Variants in BEGAIN observed in about 807,000 individuals in gnomAD.
The protein encoded by BEGAIN is brain-enriched guanylate kinase-associated protein.
In BEGAIN, 19 loss-of-function variants were observed where a neutral mutation model predicts 35.8. The ratio of observed to expected loss-of-function variants is 0.53; its 90% confidence interval spans 0.37 to 0.78. The LOEUF (loss-of-function observed/expected upper bound fraction) is 0.78, where lower values mean the gene tolerates loss of function less well. BEGAIN is among the 30% of genes least tolerant of loss of function. The probability of loss-of-function intolerance (pLI) is 0.00; values close to 1 mark genes in which losing one functional copy is unlikely to be tolerated. For missense variants in BEGAIN, 795 were observed against 853.6 expected (o/e 0.93, Z 0.85); for synonymous variants, 462 against 388.6 (o/e 1.19, Z -2.22).
intron 1 of BEGAIN, among the ~76,000 whole-genome samples, chr14:100,575,438 G>T (rs2035181689): frequency 6.6e-6 from 1 of 152,180 alleles, no homozygotes; most frequent in South Asian, 2.1e-4. Context: ...TGTCCCCATG[G>T]AGACACTGGG....
chr14:100,572,282 C>T (rs1178788946), intron 1 of BEGAIN, among the ~76,000 whole-genome samples: 1 of 152,206 alleles, frequency 6.6e-6, no homozygotes, highest in African/African-American at 2.4e-5. Context: ...TCTGCCGGAC[C>T]ATCTGACCCC....
At chr14:100,542,066 G>A (rs1484454669) in intron 5 of BEGAIN, among the ~76,000 whole-genome samples, 5 of 152,160 alleles carry the variant, frequency 3.3e-5, no homozygotes, top group Admixed American at 6.5e-5. Context: ...CAGGACTAGT[G>A]TCCACTTAGG....
chr14:100,567,792 A>C lies in BEGAIN; in HGVS notation c.71+119T>G. 1.9e-6 allele frequency: 2 copies of C among 1,065,210 alleles called. No individual in the cohort carries two copies. The highest frequency in any genetic ancestry group is 4.3e-5 in the Admixed American group (1 of 23,304). The allele number at this position is 1,065,210 out of a possible 1,614,324, so 66.0% of individuals were successfully genotyped here. ...ACGCACCTGGCCCGCAGCCCCGCCG[A>C]GGCCGCCCGCGGGCCCTGGGGGATG... On this transcript the variant is annotated intron_variant, in intron 2 of 6. Transcript: ENST00000554140. The surrounding 1 kb of genome is among the most constrained non-coding windows in gnomAD (Gnocchi z 5.1).
At chr14:100,540,628 C>T (rs1439239152) in intron 5 of BEGAIN, 49 bp from the exon 6 acceptor site, 37 of 1,455,236 alleles carry the variant, frequency 2.5e-5, no homozygotes, top group Non-Finnish European at 3.2e-5. Flanking sequence ...AGCCAAGGCC[C>T]CGCCGCCCTG....
chr14:100,552,169 G>C (rs998410596), intron 2 of BEGAIN, among the ~76,000 whole-genome samples: 1 of 152,154 alleles, frequency 6.6e-6, no homozygotes, highest in Non-Finnish European at 1.5e-5. Context: ...GCTCAGAGTA[G>C]AAAGGCTAGG....
intron 2 of BEGAIN, among the ~76,000 whole-genome samples, chr14:100,553,789 T>G (rs1228089896): frequency 6.6e-6 from 1 of 152,222 alleles, no homozygotes; most frequent in South Asian, 2.1e-4. Context: ...GCTGGGATAC[T>G]GCTTCCCTTC....
chr14:100,545,370 G>C lies in BEGAIN; in HGVS notation c.234-304C>G, dbSNP rs548178363. On this transcript the variant is annotated intron_variant, in intron 3 of 6. Coordinates refer to ENST00000554140, the MANE Select transcript of BEGAIN (RefSeq NM_001385089.1). ...ACAAGAGACTCTGTCCCATCCACAC[G>C]CGGAGCCAGTTTACTCACATTTGAC... 13 of 1,217,866 alleles carry C rather than the reference G, an allele frequency of 1.1e-5. No individual in the cohort carries two copies. The South Asian group carries it at 2.5e-4, about 23-fold the overall frequency. 75.4% of individuals were successfully genotyped at this position (1,217,866 alleles called of 1,614,324 possible).
In BEGAIN at chr14:100,586,807, T is replaced by C. The variant is rs1392939252; in HGVS notation, c.42+442A>G. On this transcript the variant is annotated intron_variant, in intron 1 of 6. Coordinates refer to ENST00000554140, the MANE Select transcript of BEGAIN (RefSeq NM_001385089.1). The surrounding 1 kb of genome is among the most constrained non-coding windows in gnomAD (Gnocchi z 4.9). The stretch of plus-strand genomic sequence containing the variant: ...AGCCTCCTTCCGGCTCCCGGGCCTT[T>C]CTCCGGCCTCCCAAGCAGGGGCTGG... 6.6e-6 allele frequency among the ~76,000 whole-genome samples: 1 copy of C among 152,130 alleles called. No homozygotes were observed.
At chr14:100,570,258 T>C (rs2035034850) in intron 1 of BEGAIN, among the ~76,000 whole-genome samples, 2 of 152,234 alleles carry the variant, frequency 1.3e-5, no homozygotes, top group South Asian at 2.1e-4. Flanking sequence ...TGGATGGGAA[T>C]TCCCCCCACC....
chr14:100,571,410 G>C (rs1178328926), intron 1 of BEGAIN, among the ~76,000 whole-genome samples: 9 of 152,206 alleles, frequency 5.9e-5, no homozygotes, highest in Admixed American at 5.2e-4. Flanking sequence ...GGGCCGCCCG[G>C]GTCAGAAACA....
Position 100,543,927 on chromosome 14 carries a change from G to T in BEGAIN, c.339C>A (p.His113Gln). The change falls in exon 5 of 7, where the codon CAC becomes CAA. Residue 113 changes from histidine (H) to glutamine (Q), a missense_variant. This residue lies in a region of BEGAIN where 73 missense variants were observed against 143.2 expected (regional missense o/e 0.51). Coordinates refer to ENST00000554140, the MANE Select transcript of BEGAIN (RefSeq NM_001385089.1). ...HYEEEKRALS[H>Q]EIVALNSHLL... ...GATGGCTGTTGAGGGCAACAATCTC[G>T]TGGCTCAGCGCACGCTTCTCCTCCT... The T allele has an allele frequency of 1.9e-6, 3 of 1,613,166 alleles. No individual in the cohort carries two copies. The highest frequency in any genetic ancestry group is 1.7e-6 in the Non-Finnish European group (2 of 1,179,700).
chr14:100,569,089 C>A, intron 1 of BEGAIN: 1 of 297,692 alleles, frequency 3.4e-6, no homozygotes, highest in Non-Finnish European at 5.0e-6. Context: ...GCTCGGCCAC[C>A]AACTTCCCGG....
intron 2 of BEGAIN, among the ~76,000 whole-genome samples, chr14:100,566,719 T>C (rs1183829249): frequency 6.6e-6 from 1 of 152,172 alleles, no homozygotes; most frequent in African/African-American, 2.4e-5. Context: ...TATCAGGTAT[T>C]TGGGGTCTGA....
In BEGAIN at chr14:100,575,328, A is replaced by C. The variant is rs149285957; in HGVS notation, c.43-7389T>G. Among the ~76,000 whole-genome samples, 213 of 152,226 alleles carry C rather than the reference A, an allele frequency of 1.4e-3. 2 individuals are homozygous for C. Among genetic ancestry groups the C allele is most frequent in the African/African-American group, 5.0e-3 (209 of 41,544 alleles). On this transcript the variant is annotated intron_variant, in intron 1 of 6. Transcript: ENST00000554140. Reference sequence around the variant, plus strand: ...ACAGTGGGTGCTCAAATCAACAGACAAGCCCCTGTGAAGGGCTGGCATCGC... The same window carrying C: ...ACAGTGGGTGCTCAAATCAACAGACCAGCCCCTGTGAAGGGCTGGCATCGC...
At chr14:100,571,409 G>A (rs1378233262) in intron 1 of BEGAIN, among the ~76,000 whole-genome samples, 3 of 152,256 alleles carry the variant, frequency 2.0e-5, no homozygotes, top group Non-Finnish European at 4.4e-5. Context: ...AGGGCCGCCC[G>A]GGTCAGAAAC....
rs1566977808 is a variant in BEGAIN at position 100,568,263 on chromosome 14, T to G, written c.43-324A>C. 3.2e-6 allele frequency: 2 copies of G among 632,180 alleles called. No homozygotes were observed. Among genetic ancestry groups the G allele is most frequent in the Non-Finnish European group, 4.6e-6 (2 of 434,902 alleles). The allele number at this position is 632,180 out of a possible 1,614,324, so 39.2% of individuals were successfully genotyped here. On this transcript the variant is annotated intron_variant, in intron 1 of 6. Coordinates refer to ENST00000554140, the MANE Select transcript of BEGAIN (RefSeq NM_001385089.1). The surrounding 1 kb of genome is among the most constrained non-coding windows in gnomAD (Gnocchi z 7.5). ...TCGGCCTCGCCCGGAGGAGGGGGAC[T>G]CGGCCTGTCCCCGTTAACTCTCCGG...
intron 6 of BEGAIN, chr14:100,540,229 C>T (rs1291422161): frequency 5.8e-6 from 3 of 514,848 alleles, no homozygotes; most frequent in East Asian, 6.2e-5. Context: ...CTGGAGCAGC[C>T]CCCCAAAGGA....
intron 1 of BEGAIN, among the ~76,000 whole-genome samples, chr14:100,576,046 A>G (rs2035194657): frequency 6.6e-6 from 1 of 152,142 alleles, no homozygotes. Context: ...GCCTGTGGTC[A>G]TGACTGACTT....
chr14:100,544,442 G>A (rs2032088179), intron 4 of BEGAIN, among the ~76,000 whole-genome samples: 1 of 152,160 alleles, frequency 6.6e-6, no homozygotes, highest in African/African-American at 2.4e-5. Context: ...AAAATGAGCT[G>A]GTCACCAAAG....
Sources: gnomAD v4.1 joint callset for allele counts (sites outside exome capture counted in the v4.1 genomes callset) on GRCh38, gnomAD v4.1.1 for gene constraint, gnomAD v4.1.1 regional missense constraint, Gnocchi (gnomAD v3.1) non-coding constraint, MANE v1.5 for transcripts, NCBI Gene and HGNC (gene_info 2026-07-23, HGNC 2026-07-21) for gene names.